KALRN: variants seen among roughly 807,000 people sequenced by gnomAD.
KALRN encodes kalirin RhoGEF kinase.
KALRN carries 70 observed loss-of-function variants against 353.7 expected under a neutral mutation model. The ratio of observed to expected loss-of-function variants is 0.20; its 90% confidence interval spans 0.16 to 0.24. The LOEUF is 0.24. Among genes scored for constraint, KALRN ranks in the 10% least tolerant of loss-of-function variants. The probability of loss-of-function intolerance (pLI) is 1.00; values close to 1 mark genes in which losing one functional copy is unlikely to be tolerated. For missense variants in KALRN, 2,791 were observed against 3,756.7 expected (o/e 0.74, Z 6.72); for synonymous variants, 1,391 against 1,434.8 (o/e 0.97, Z 0.69).
At chr3:124,061,542 C>T (rs937678307) in intron 1 of KALRN, among the ~76,000 whole-genome samples, 1 of 152,174 alleles carries the variant, frequency 6.6e-6, no homozygotes, top group Non-Finnish European at 1.5e-5. Context: ...CCAAATAAAA[C>T]CCTCTTGTTT....
intron 37 of KALRN, among the ~76,000 whole-genome samples, chr3:124,642,102 T>C (rs1396948266): frequency 1.3e-5 from 2 of 152,038 alleles, no homozygotes; most frequent in African/African-American, 2.4e-5. Context: ...GGCAACACGG[T>C]GAAACCCCAT....
At chr3:124,405,849 T>A (rs1174490051) in intron 13 of KALRN, among the ~76,000 whole-genome samples, 2 of 152,222 alleles carry the variant, frequency 1.3e-5, no homozygotes, top group African/African-American at 4.8e-5. Context: ...TTTCACTGTG[T>A]TAGCCAGGAT....
chr3:124,265,167 C>G (rs1202072203), intron 4 of KALRN, among the ~76,000 whole-genome samples: 1 of 152,000 alleles, frequency 6.6e-6, no homozygotes, highest in African/African-American at 2.4e-5. Context: ...CATTACAGTT[C>G]TCTTCTAGCT....
At chr3:124,668,066 A>G (rs2085882176) in intron 47 of KALRN, among the ~76,000 whole-genome samples, 1 of 142,768 alleles carries the variant, frequency 7.0e-6, no homozygotes, top group African/African-American at 2.6e-5. Context: ...ACACACACAC[A>G]CACACACACA....
At chr3:124,538,552 G>C (rs559660888) in intron 33 of KALRN, among the ~76,000 whole-genome samples, 1 of 152,340 alleles carries the variant, frequency 6.6e-6, no homozygotes, top group East Asian at 1.9e-4. Flanking sequence ...GAGAAACTTA[G>C]ATGATAACCT....
At chr3:124,574,517 A>AC (rs11421263) in intron 34 of KALRN, among the ~76,000 whole-genome samples, 101,083 of 152,016 alleles carry the variant, frequency 0.66, 34,691 homozygotes, top group East Asian at 0.83. Context: ...CTTTGGAGCC[A>AC]ATGAACCAGC....
chr3:124,707,763 G>T (rs1381010450), intron 57 of KALRN, among the ~76,000 whole-genome samples: 1 of 152,154 alleles, frequency 6.6e-6, no homozygotes, highest in Non-Finnish European at 1.5e-5. Context: ...ACCTCTGAGG[G>T]AATCCCATCT....
intron 34 of KALRN, among the ~76,000 whole-genome samples, chr3:124,595,189 G>GT (rs11464667): frequency 0.15 from 23,225 of 150,134 alleles, 1,899 homozygotes; most frequent in Middle Eastern, 0.19. Context: ...TTCCATGTGT[G>GT]TTTTTTTTTC....
At chr3:124,086,929 G>A (rs1007300721) in intron 1 of KALRN, among the ~76,000 whole-genome samples, 8 of 152,082 alleles carry the variant, frequency 5.3e-5, no homozygotes, top group African/African-American at 9.7e-5. Flanking sequence ...TATGCCTTGC[G>A]TTTTTAACCC....
chr3:124,201,022 G>A (rs925417606), intron 1 of KALRN, among the ~76,000 whole-genome samples: 1 of 152,196 alleles, frequency 6.6e-6, no homozygotes, highest in African/African-American at 2.4e-5. Flanking sequence ...AAGCCAATGG[G>A]TGATCTTCTC....
At chr3:124,553,696 G>T (rs1046885188) in intron 33 of KALRN, among the ~76,000 whole-genome samples, 10 of 152,240 alleles carry the variant, frequency 6.6e-5, no homozygotes, top group Non-Finnish European at 1.5e-4. Flanking sequence ...TATAGGGTGT[G>T]TTGCAGGAAA....
chr3:124,453,553 G>A (rs1209534034), intron 21 of KALRN, among the ~76,000 whole-genome samples: 1 of 152,204 alleles, frequency 6.6e-6, no homozygotes. Context: ...GGGCTCTGTT[G>A]TTTTTTCTGC....
intron 33 of KALRN, among the ~76,000 whole-genome samples, chr3:124,511,736 AAAATT>A (rs1386335364): frequency 2.6e-5 from 4 of 152,330 alleles, no homozygotes; most frequent in African/African-American, 9.6e-5. Flanking sequence ...TAATGATCTC[AAAATT>A]GCCTTCATCT....
Position 124,315,954 on chromosome 3 carries a change from T to A in KALRN, c.1093-10026T>A, listed in dbSNP as rs184550253. Among the ~76,000 whole-genome samples the A allele has an allele frequency of 3.3e-5, 5 of 152,246 alleles. No individual in the cohort carries two copies. In the East Asian group the frequency reaches 9.7e-4, roughly 29 times the overall value. On this transcript the variant is annotated intron_variant, in intron 6 of 59. Coordinates refer to ENST00000682506, the MANE Select transcript of KALRN (RefSeq NM_001388419.1). ...ATGGTAGCCAGCTAGGAGTACCAGA[T>A]GAAGGACAGAGACTGATTACAGACA...
chr3:124,456,214 T>C (rs1243930498), intron 22 of KALRN, among the ~76,000 whole-genome samples: 1 of 152,240 alleles, frequency 6.6e-6, no homozygotes, highest in Middle Eastern at 3.2e-3. Context: ...TTTTGACAAA[T>C]GAAAGATGTT....
Position 124,661,921 on chromosome 3 carries a change from G to C in KALRN, c.6338G>C (p.Gly2113Ala), listed in dbSNP as rs1489825689. The C allele has an allele frequency of 1.2e-6, 2 of 1,613,750 alleles. No individual in the cohort carries two copies. The highest frequency in any genetic ancestry group is 3.3e-5 in the Admixed American group (2 of 60,002). ...NDMMNLGRLQGFEGTLTAQGK... is the reference protein window; with the variant it reads ...NDMMNLGRLQAFEGTLTAQGK... The stretch of plus-strand genomic sequence containing the variant: ...ATGATGAATCTAGGACGTCTGCAGG[G>C]CTTTGAGGTGAGTCTTTAAGAATGC... Residue 2113 changes from glycine (G) to alanine (A), a missense_variant, in exon 45 of 60, where the codon GGC becomes GCC. Physicochemically the swap from Gly to Ala is moderately conservative, Grantham distance 60. Transcript: ENST00000682506.
At chr3:124,598,762 C>T (rs1396218635) in intron 34 of KALRN, among the ~76,000 whole-genome samples, 23 of 152,242 alleles carry the variant, frequency 1.5e-4, no homozygotes, top group Admixed American at 7.2e-4. Flanking sequence ...CTGCAACCTC[C>T]GCATCCCAGG....
At chr3:124,439,235 C>T (rs187441096) in intron 18 of KALRN, among the ~76,000 whole-genome samples, 198 bp downstream of exon 18, 3 of 150,930 alleles carry the variant, frequency 2.0e-5, no homozygotes, top group East Asian at 3.9e-4. Flanking sequence ...CACACACACA[C>T]ACGCAGCTTC....
intron 13 of KALRN, among the ~76,000 whole-genome samples, chr3:124,409,965 G>A (rs984233499): frequency 1.3e-5 from 2 of 152,252 alleles, no homozygotes; most frequent in East Asian, 1.9e-4. Flanking sequence ...GCAGCCTTAG[G>A]AGGAGGCCCT....
Sources: gnomAD v4.1 joint callset for allele counts (sites outside exome capture counted in the v4.1 genomes callset) on GRCh38, gnomAD v4.1.1 for gene constraint, MANE v1.5 for transcripts, NCBI Gene and HGNC (gene_info 2026-07-23, HGNC 2026-07-21) for gene names.